The following SNRNP40 variants were observed in gnomAD, a reference collection of about 807,000 sequenced individuals.
SNRNP40 encodes U5 small nuclear ribonucleoprotein 40 kDa protein.
SNRNP40 carries 21 observed loss-of-function variants against 45.8 expected under a neutral mutation model. That is an observed-to-expected ratio of 0.46 (90% confidence interval 0.32 to 0.66). SNRNP40 has a LOEUF of 0.66. Among genes scored for constraint, SNRNP40 ranks in the 30% least tolerant of loss-of-function variants. The pLI, the probability that SNRNP40 is intolerant of heterozygous loss-of-function variation, is 0.03. For synonymous variants in SNRNP40, 142 were observed against 163.8 expected, an observed-to-expected ratio of 0.87 and a Z score of 1.01; for missense variants, 344 against 439.1, an observed-to-expected ratio of 0.78 and a Z score of 1.94.
chr1:31,288,104 A>G (rs765649020), intron 4 of SNRNP40, among the ~76,000 whole-genome samples: 1 of 152,110 alleles, frequency 6.6e-6, no homozygotes, highest in Non-Finnish European at 1.5e-5. Context: ...TGGAGGCTAC[A>G]GTGAGCCAAG....
rs754573493 is a variant in SNRNP40 at position 31,293,202 on chromosome 1, C to G, written c.271+17G>C. 7 of 1,612,174 alleles carry G rather than the reference C, an allele frequency of 4.3e-6. No homozygotes were observed. The Admixed American group carries it at 1.2e-4, about 27-fold the overall frequency. ...CTGGCAGGAAAAATTATTCCAGATT[C>G]AAAAACTATGCCTCACATATCAGTC... On this transcript the variant is annotated intron_variant, in intron 2 of 9. Coordinates refer to ENST00000263694, the MANE Select transcript of SNRNP40 (RefSeq NM_004814.3).
At position 31,281,508 on chromosome 1, in the gene SNRNP40, G is replaced by A. The variant is rs753204184; in HGVS notation, c.532-12C>T. On this transcript the variant is annotated splice_polypyrimidine_tract_variant and intron_variant, in intron 4 of 9. Transcript: ENST00000263694. ...CGGATGTCCCAAAGCTGAAGCAAAG[G>A]ACAAGACAGTCTATCAGCAACATCA... The A allele has an allele frequency of 6.3e-7, 1 of 1,591,422 alleles. No homozygotes were observed. The highest frequency in any genetic ancestry group is 2.3e-5 in the East Asian group (1 of 44,254).
chr1:31,283,268 C>T (rs931641047), intron 4 of SNRNP40, among the ~76,000 whole-genome samples: 1 of 152,164 alleles, frequency 6.6e-6, no homozygotes, highest in African/African-American at 2.4e-5. Flanking sequence ...TCAGTGGTCA[C>T]ACAGGACAAA....
At chr1:31,291,055 G>T in intron 3 of SNRNP40, among the ~76,000 whole-genome samples, 1 of 151,956 alleles carries the variant, frequency 6.6e-6, no homozygotes, top group East Asian at 1.9e-4. Flanking sequence ...TTGGGAGGCT[G>T]AGGTGGGCGG....
chr1:31,281,651 T>C (rs1646017331), intron 4 of SNRNP40, 155 bp from the exon 5 acceptor site: 1 of 563,872 alleles, frequency 1.8e-6, no homozygotes, highest in South Asian at 5.0e-5. Flanking sequence ...ATAACACACA[T>C]GGTAAGCAGT....
At chr1:31,295,952 G>A (rs1010052520) in intron 1 of SNRNP40, among the ~76,000 whole-genome samples, 14 of 152,248 alleles carry the variant, frequency 9.2e-5, no homozygotes, top group African/African-American at 2.4e-4. Flanking sequence ...CAGGACATTA[G>A]AAGTGTGATC....
At chr1:31,280,113 CAA>C (rs577919252) in intron 5 of SNRNP40, among the ~76,000 whole-genome samples, 42 of 67,638 alleles carry the variant, frequency 6.2e-4, no homozygotes, top group South Asian at 1.6e-3. Flanking sequence ...GACTCTGACT[CAA>C]AAAAAAAAAA....
intron 1 of SNRNP40, among the ~76,000 whole-genome samples, chr1:31,293,743 T>G (rs1646122666): frequency 6.6e-6 from 1 of 151,942 alleles, no homozygotes; most frequent in African/African-American, 2.4e-5. Context: ...TAGCATGCCA[T>G]GCTAATTTTT....
intron 5 of SNRNP40, among the ~76,000 whole-genome samples, chr1:31,272,474 C>G (rs1283416980): frequency 6.6e-6 from 1 of 152,140 alleles, no homozygotes; most frequent in Non-Finnish European, 1.5e-5. Flanking sequence ...GATAGCATGA[C>G]AGAGTAGAAA....
chr1:31,276,197 T>C (rs1178947148), intron 5 of SNRNP40, among the ~76,000 whole-genome samples: 1 of 152,180 alleles, frequency 6.6e-6, no homozygotes, highest in Non-Finnish European at 1.5e-5. Flanking sequence ...CAATTCCCAT[T>C]TAGACACAAG....
Position 31,296,652 on chromosome 1 carries a change from C to T in SNRNP40, c.100G>A (p.Ala34Thr), listed in dbSNP as rs1646163569. The T allele has an allele frequency of 6.2e-7, 1 of 1,613,748 alleles. No individual in the cohort carries two copies. Among genetic ancestry groups the T allele is most frequent in the African/African-American group, 1.3e-5 (1 of 75,038 alleles). The change falls in exon 1 of 10, where the codon GCC becomes ACC. Residue 34 changes from alanine to threonine, a missense_variant. Around this residue, in one of 2 missense-constraint regions of SNRNP40, gnomAD observed 90 missense variants for 58.9 expected, o/e 1.53. Coordinates refer to ENST00000263694, the MANE Select transcript of SNRNP40 (RefSeq NM_004814.3). ...LLLGAGSGPGAGQQQATPGAL... is the reference protein window; with the variant it reads ...LLLGAGSGPGTGQQQATPGAL... ...CCCGGCGTCGCCTGCTGCTGCCCGG[C>T]TCCTGGGCCAGACCCCGCTCCCAAC... is the stretch of plus-strand genomic sequence containing the variant.
chr1:31,266,822 G>A (rs1029372606), intron 8 of SNRNP40, among the ~76,000 whole-genome samples: 16 of 152,210 alleles, frequency 1.1e-4, no homozygotes, highest in African/African-American at 3.9e-4. Context: ...ATTCATTCAT[G>A]TAATATAAAC....
At chr1:31,289,064 T>C (rs908200348) in intron 4 of SNRNP40, among the ~76,000 whole-genome samples, 190 bp downstream of exon 4, 31 of 152,254 alleles carry the variant, frequency 2.0e-4, no homozygotes, top group Non-Finnish European at 3.8e-4. Flanking sequence ...ATGGTTCTAT[T>C]ATTATTCTGT....
chr1:31,291,775 C>A (rs1382073460), intron 3 of SNRNP40, 138 bp downstream of exon 3: 3 of 623,606 alleles, frequency 4.8e-6, no homozygotes, highest in South Asian at 3.7e-5. Flanking sequence ...CTTGGGGTGA[C>A]AGTGATAAAT....
chr1:31,293,613 ACT>A (rs1303229699), intron 1 of SNRNP40, among the ~76,000 whole-genome samples: 1 of 152,056 alleles, frequency 6.6e-6, no homozygotes, highest in Non-Finnish European at 1.5e-5. Flanking sequence ...ATAGGGTCTC[ACT>A]CTGTCACCTA....
chr1:31,271,788 A>G (rs780170447), intron 5 of SNRNP40, among the ~76,000 whole-genome samples: 10 of 151,964 alleles, frequency 6.6e-5, no homozygotes, highest in Non-Finnish European at 1.3e-4. Context: ...GGACTACAGG[A>G]GCATGCTACT....
intron 3 of SNRNP40, 97 bp downstream of exon 3, chr1:31,291,816 A>C: frequency 2.5e-6 from 2 of 812,278 alleles, no homozygotes; most frequent in Non-Finnish European, 4.2e-6. Context: ...CAAAATTAGT[A>C]GTTTTTGATA....
chr1:31,286,774 T>C (rs1314060424), intron 4 of SNRNP40, among the ~76,000 whole-genome samples: 6 of 152,310 alleles, frequency 3.9e-5, no homozygotes, highest in African/African-American at 1.4e-4. Context: ...CTCCCTACAA[T>C]GTACTGCCCT....
At chr1:31,276,124 G>A (rs1008717153) in intron 5 of SNRNP40, among the ~76,000 whole-genome samples, 9 of 152,136 alleles carry the variant, frequency 5.9e-5, no homozygotes, top group Non-Finnish European at 1.3e-4. Flanking sequence ...CCCTGCCACG[G>A]TGCTAGGAAT....
Sources: allele counts gnomAD v4.1 joint callset (sites outside exome capture counted in the v4.1 genomes callset), GRCh38; gene constraint gnomAD v4.1.1; regional missense constraint gnomAD v4.1.1; transcripts MANE v1.5; gene names NCBI Gene and HGNC (gene_info 2026-07-23, HGNC 2026-07-21).